Variants in EHBP1 observed in about 807,000 individuals in gnomAD.
EHBP1 encodes the protein EH domain-binding protein 1.
A neutral mutation model predicts 144.0 loss-of-function variants in EHBP1; 55 were observed. The observed-to-expected ratio is 0.38, with a 90% CI of 0.31 to 0.48. The LOEUF (loss-of-function observed/expected upper bound fraction) is 0.48. Ranked by LOEUF, EHBP1 falls within the 20% of genes least tolerant of loss-of-function variation. EHBP1 has a pLI of 0.98. For missense variants in EHBP1, 1,200 were observed against 1,364.2 expected, an observed-to-expected ratio of 0.88 and a Z score of 1.90; for synonymous variants, 469 against 472.7, an observed-to-expected ratio of 0.99 and a Z score of 0.10.
intron 10 of EHBP1, among the ~76,000 whole-genome samples, chr2:62,887,107 A>G (rs1558858702): frequency 6.6e-6 from 1 of 152,192 alleles, no homozygotes; most frequent in South Asian, 2.1e-4. Context: ...TAATAGATCT[A>G]TAATAGATTA....
chr2:62,727,686 C>T (rs1307958395), intron 2 of EHBP1, among the ~76,000 whole-genome samples: 1 of 152,140 alleles, frequency 6.6e-6, no homozygotes, highest in Non-Finnish European at 1.5e-5. Flanking sequence ...TTACATTTTA[C>T]CCATTCATCA....
intron 1 of EHBP1, among the ~76,000 whole-genome samples, chr2:62,678,499 C>T (rs1183449082): frequency 2.6e-5 from 4 of 151,886 alleles, no homozygotes; most frequent in Non-Finnish European, 5.9e-5. Flanking sequence ...GTTTTATTTC[C>T]CCTTTTGATT....
intron 5 of EHBP1, among the ~76,000 whole-genome samples, chr2:62,799,003 CAAAAAAAAAAAA>C (rs757731955): frequency 1.3e-5 from 1 of 76,786 alleles, no homozygotes; most frequent in Non-Finnish European, 2.4e-5. Context: ...GACTCCGTCT[CAAAAAAAAAAAA>C]AAAAAAAAAA....
chr2:62,793,245 A>G (rs768579001), intron 5 of EHBP1, among the ~76,000 whole-genome samples: 2 of 152,116 alleles, frequency 1.3e-5, no homozygotes, highest in East Asian at 1.9e-4. Flanking sequence ...TAAAAGATCA[A>G]TGTGTTTATT....
chr2:62,727,008 A>G (rs1361659048), intron 2 of EHBP1, among the ~76,000 whole-genome samples: 1 of 152,102 alleles, frequency 6.6e-6, no homozygotes, highest in Non-Finnish European at 1.5e-5. Flanking sequence ...AATTACAGGC[A>G]CATGCCACCA....
intron 5 of EHBP1, among the ~76,000 whole-genome samples, chr2:62,795,384 T>G (rs1422891671): frequency 1.3e-5 from 2 of 152,126 alleles, no homozygotes; most frequent in Non-Finnish European, 2.9e-5. Context: ...TTTCATGATT[T>G]ATCAACTTAG....
intron 7 of EHBP1, among the ~76,000 whole-genome samples, chr2:62,853,589 A>T (rs1237668068): frequency 6.6e-6 from 1 of 152,202 alleles, no homozygotes; most frequent in African/African-American, 2.4e-5. Flanking sequence ...TCCTCCCATG[A>T]ATCACAAAAT....
intron 5 of EHBP1, among the ~76,000 whole-genome samples, chr2:62,774,925 TGAGA>T (rs1387084442): frequency 2.6e-5 from 4 of 152,094 alleles, no homozygotes; most frequent in African/African-American, 4.8e-5. Context: ...TGTGTGTGTG[TGAGA>T]GAGAGGATAA....
chr2:62,929,727 G>C (rs1267694470), intron 10 of EHBP1, among the ~76,000 whole-genome samples: 1 of 151,924 alleles, frequency 6.6e-6, no homozygotes, highest in African/African-American at 2.4e-5. Context: ...ACTTAGGCAA[G>C]TAAAAGATGT....
At chr2:62,862,793 T>C (rs1434565261) in intron 8 of EHBP1, among the ~76,000 whole-genome samples, 2 of 152,218 alleles carry the variant, frequency 1.3e-5, no homozygotes, top group African/African-American at 2.4e-5. Flanking sequence ...AAAATTACTT[T>C]TAATGCACTA....
At chr2:62,683,696 G>T (rs994689597) in intron 1 of EHBP1, among the ~76,000 whole-genome samples, 2 of 145,828 alleles carry the variant, frequency 1.4e-5, no homozygotes, top group Non-Finnish European at 3.0e-5. Flanking sequence ...GAGTAAGTAA[G>T]GTCAGCACCT....
At chr2:62,870,784 C>T (rs2050418828) in intron 9 of EHBP1, among the ~76,000 whole-genome samples, 1 of 147,106 alleles carries the variant, frequency 6.8e-6, no homozygotes, top group Non-Finnish European at 1.5e-5. Flanking sequence ...ATTTTTGAGA[C>T]TTTTATTTGA....
At chr2:62,962,145 C>T (rs1367638443) in intron 14 of EHBP1, among the ~76,000 whole-genome samples, 9 of 151,752 alleles carry the variant, frequency 5.9e-5, no homozygotes, top group Non-Finnish European at 1.3e-4. Context: ...GCTAACATGG[C>T]GAAACCCCAT....
Position 62,948,632 on chromosome 2 carries a change from C to T in EHBP1, c.1786C>T (p.Pro596Ser), listed in dbSNP as rs1574194343. The T allele has an allele frequency of 1.2e-6, 2 of 1,613,908 alleles. No individual in the cohort carries two copies. Among genetic ancestry groups the T allele is most frequent in the East Asian group, 2.2e-5 (1 of 44,828 alleles). Residue 596 changes from proline to serine, a missense_variant, in exon 13 of 23, where the codon CCT (proline) becomes TCT (serine). Pro to Ser is a moderately conservative substitution (Grantham distance 74). This residue lies in a region of EHBP1 where 543 missense variants were observed against 513.1 expected (regional missense o/e 1.06). Coordinates refer to ENST00000431489, the MANE Select transcript of EHBP1 (RefSeq NM_001142616.3). ...VGESESEHQT[P>S]DDHLSPSTAS... is the part of the protein sequence containing the mutation. ...AGAGTCAGAAAGTGAGCATCAAACTCCTGATGATCACCTTAGTCCAAGCAC... is the reference window on the plus strand; with the variant it reads ...AGAGTCAGAAAGTGAGCATCAAACTTCTGATGATCACCTTAGTCCAAGCAC...
intron 5 of EHBP1, among the ~76,000 whole-genome samples, chr2:62,813,771 CT>C (rs1380393900): frequency 6.6e-6 from 1 of 152,200 alleles, no homozygotes; most frequent in Non-Finnish European, 1.5e-5. Context: ...GGGTTTTAGA[CT>C]CTCTGGGAAC....
chr2:62,690,488 A>G (rs952586274), intron 1 of EHBP1, among the ~76,000 whole-genome samples: 1 of 152,070 alleles, frequency 6.6e-6, no homozygotes, highest in Non-Finnish European at 1.5e-5. Flanking sequence ...GCTTGAACCC[A>G]GGAGGTGGAG....
intron 1 of EHBP1, among the ~76,000 whole-genome samples, chr2:62,680,771 A>G (rs1415536772): frequency 6.6e-6 from 1 of 152,170 alleles, no homozygotes; most frequent in African/African-American, 2.4e-5. Flanking sequence ...TATACAGAAA[A>G]CAAGACAGCA....
chr2:62,798,561 A>G (rs1212024434), intron 5 of EHBP1, among the ~76,000 whole-genome samples: 1 of 152,146 alleles, frequency 6.6e-6, no homozygotes, highest in Non-Finnish European at 1.5e-5. Flanking sequence ...CAATTTACGT[A>G]TCTATAAAAT....
At chr2:62,674,554 C>G (rs2033217592) in intron 1 of EHBP1, among the ~76,000 whole-genome samples, 1 of 152,142 alleles carries the variant, frequency 6.6e-6, no homozygotes, top group Admixed American at 6.5e-5. Flanking sequence ...TTGGTTAACC[C>G]TACAGTAGGA....
Sources: gnomAD v4.1 joint callset for allele counts (sites outside exome capture counted in the v4.1 genomes callset) on GRCh38, gnomAD v4.1.1 for gene constraint, gnomAD v4.1.1 regional missense constraint, MANE v1.5 for transcripts, NCBI Gene and HGNC (gene_info 2026-07-23, HGNC 2026-07-21) for gene names.